TMEFF1: variants seen among roughly 807,000 people sequenced by gnomAD.
The protein encoded by TMEFF1 is tomoregulin-1.
In TMEFF1, 20 loss-of-function variants were observed where a neutral mutation model predicts 47.5. The ratio of observed to expected loss-of-function variants is 0.42; its 90% confidence interval spans 0.30 to 0.61. The LOEUF is 0.61. Ranked by LOEUF, TMEFF1 falls within the 20% of genes least tolerant of loss-of-function variation. The pLI, the probability that TMEFF1 is intolerant of heterozygous loss-of-function variation, is 0.19. For synonymous variants in TMEFF1, 162 were observed against 166.3 expected (o/e 0.97, Z 0.20); for missense variants, 411 against 471.1 (o/e 0.87, Z 1.18).
At chr9:100,485,819 A>G (rs966964973) in intron 1 of TMEFF1, among the ~76,000 whole-genome samples, 2 of 152,132 alleles carry the variant, frequency 1.3e-5, no homozygotes, top group East Asian at 1.9e-4. Flanking sequence ...TTCTCTCCGT[A>G]TATGCTTTTA....
chr9:100,487,564 T>A (rs1395067059), intron 1 of TMEFF1, among the ~76,000 whole-genome samples: 1 of 152,202 alleles, frequency 6.6e-6, no homozygotes, highest in Non-Finnish European at 1.5e-5. Flanking sequence ...ACATCCTAAT[T>A]CCCATTTATT....
At chr9:100,485,989 A>C (rs1837440190) in intron 1 of TMEFF1, among the ~76,000 whole-genome samples, 1 of 151,778 alleles carries the variant, frequency 6.6e-6, no homozygotes, top group African/African-American at 2.4e-5. Flanking sequence ...GTACCTTTAA[A>C]AACTTTGGCA....
intron 8 of TMEFF1, among the ~76,000 whole-genome samples, chr9:100,570,967 T>A (rs1451661777): frequency 3.9e-5 from 6 of 152,172 alleles, no homozygotes; most frequent in African/African-American, 2.4e-5. Flanking sequence ...CTGTTAAGTG[T>A]CTTAAATATT....
intron 3 of TMEFF1, among the ~76,000 whole-genome samples, chr9:100,510,814 T>C (rs1837950072): frequency 6.6e-6 from 1 of 152,054 alleles, no homozygotes; most frequent in Admixed American, 6.6e-5. Flanking sequence ...TAAGTATAAT[T>C]TGATGAGTTG....
intron 5 of TMEFF1, 146 bp from the exon 6 acceptor site, chr9:100,547,597 AC>A: frequency 1.0e-6 from 1 of 960,236 alleles, no homozygotes; most frequent in Non-Finnish European, 1.4e-6. Context: ...TTAGGTATTT[AC>A]TTTGCTTAAG....
At chr9:100,484,212 C>T (rs914517672) in intron 1 of TMEFF1, among the ~76,000 whole-genome samples, 24 of 152,280 alleles carry the variant, frequency 1.6e-4, no homozygotes, top group African/African-American at 4.8e-4. Flanking sequence ...TAATTGATAT[C>T]TGTGCTACCC....
chr9:100,530,751 T>C (rs986607393), intron 5 of TMEFF1, among the ~76,000 whole-genome samples: 1 of 152,098 alleles, frequency 6.6e-6, no homozygotes, highest in Non-Finnish European at 1.5e-5. Flanking sequence ...CCAGCATCAT[T>C]CTGATACCAA....
chr9:100,523,967 C>T (rs1284493711), intron 5 of TMEFF1, among the ~76,000 whole-genome samples: 1 of 152,052 alleles, frequency 6.6e-6, no homozygotes, highest in East Asian at 1.9e-4. Context: ...TTCATGCCTT[C>T]GAAATTTAGT....
At position 100,533,758 on chromosome 9, in the gene TMEFF1, C is replaced by T. The variant is rs58902812; in HGVS notation, c.561-13986C>T. Among the ~76,000 whole-genome samples the T allele has an allele frequency of 3.1e-3, 477 of 151,944 alleles. 2 individuals carry two copies. The highest frequency in any genetic ancestry group is 8.3e-3 in the African/African-American group (345 of 41,426). ...TTTTTGAGACAGAGTCTCGCTCAGT[C>T]GCCAGGCTGGAGTGCAATGGTGCGA... On this transcript the variant is annotated intron_variant, in intron 5 of 9. Coordinates refer to ENST00000374879, the MANE Select transcript of TMEFF1 (RefSeq NM_003692.5).
In TMEFF1 at chr9:100,492,044, C is replaced by T. The variant is rs568232829; in HGVS notation, c.197-6721C>T. On this transcript the variant is annotated intron_variant, in intron 1 of 9. Coordinates refer to ENST00000374879, the MANE Select transcript of TMEFF1 (RefSeq NM_003692.5). Reference sequence around the variant, plus strand: ...GGGATTACAGGCTCGTGCCACCACGCCCAGCTAATTTTTGTATTTTTAGTA... The same window carrying T: ...GGGATTACAGGCTCGTGCCACCACGTCCAGCTAATTTTTGTATTTTTAGTA... Among the ~76,000 whole-genome samples the T allele has an allele frequency of 1.1e-3, 165 of 152,236 alleles. 8 individuals carry two copies. The South Asian group carries it at 0.032, about 30-fold the overall frequency.
Position 100,537,267 on chromosome 9 carries a change from C to A in TMEFF1, c.561-10477C>A, listed in dbSNP as rs1448018983. On this transcript the variant is annotated intron_variant, in intron 5 of 9. Coordinates refer to ENST00000374879, the MANE Select transcript of TMEFF1 (RefSeq NM_003692.5). ...GGTAATAGCTTCTCTGTACTGTAGT[C>A]CTTGTTTTGTTCTTGGCCTCATATT... Among the ~76,000 whole-genome samples, 95 of 152,086 alleles carry A rather than the reference C, an allele frequency of 6.2e-4. 1 individual carries two copies. Among genetic ancestry groups the A allele is most frequent in the Admixed American group, 5.9e-3 (90 of 15,270 alleles).
chr9:100,549,944 A>T, intron 6 of TMEFF1, 151 bp from the exon 7 acceptor site: 1 of 933,234 alleles, frequency 1.1e-6, no homozygotes, highest in Non-Finnish European at 1.5e-6. Context: ...GACAGAAATG[A>T]CATAATTGAT....
At chr9:100,519,601 G>A (rs951615084) in intron 5 of TMEFF1, among the ~76,000 whole-genome samples, 1 of 147,880 alleles carries the variant, frequency 6.8e-6, no homozygotes, top group Non-Finnish European at 1.5e-5. Flanking sequence ...ATTCCCGGAA[G>A]GAATGTTATC....
intron 1 of TMEFF1, among the ~76,000 whole-genome samples, chr9:100,491,882 CTTT>C (rs145822143): frequency 5.8e-5 from 8 of 137,428 alleles, no homozygotes; most frequent in Non-Finnish European, 4.8e-5. Context: ...AGTTTCTTTC[CTTT>C]TTTTTTTTTT....
At chr9:100,572,984 T>A (rs1300223717) in intron 9 of TMEFF1, among the ~76,000 whole-genome samples, 6 of 144,260 alleles carry the variant, frequency 4.2e-5, no homozygotes, top group East Asian at 2.0e-4. Context: ...GTAGCAATCT[T>A]TTTTTTTTTT....
chr9:100,552,266 A>G (rs1029739761), intron 7 of TMEFF1, among the ~76,000 whole-genome samples: 12 of 152,194 alleles, frequency 7.9e-5, no homozygotes, highest in Non-Finnish European at 1.8e-4. Context: ...CCTGGCAGGA[A>G]TATTGTGCAT....
At chr9:100,493,964 C>T (rs1837605335) in intron 1 of TMEFF1, among the ~76,000 whole-genome samples, 7 of 152,100 alleles carry the variant, frequency 4.6e-5, no homozygotes, top group Admixed American at 4.6e-4. Flanking sequence ...GGGCAGATGG[C>T]TTGAGCCCAA....
At chr9:100,508,176 TTGTA>T (rs1837895276) in intron 2 of TMEFF1, among the ~76,000 whole-genome samples, 1 of 152,226 alleles carries the variant, frequency 6.6e-6, no homozygotes, top group Non-Finnish European at 1.5e-5. Flanking sequence ...TTTTATTAAT[TTGTA>T]TGATCTATTT....
At chr9:100,540,251 A>C (rs1367133060) in intron 5 of TMEFF1, among the ~76,000 whole-genome samples, 1 of 147,928 alleles carries the variant, frequency 6.8e-6, no homozygotes, top group Non-Finnish European at 1.5e-5. Context: ...GACACAGAGC[A>C]CTGATTGGTG....
Sources: gnomAD v4.1 joint callset for allele counts (sites outside exome capture counted in the v4.1 genomes callset) on GRCh38, gnomAD v4.1.1 for gene constraint, MANE v1.5 for transcripts, NCBI Gene and HGNC (gene_info 2026-07-23, HGNC 2026-07-21) for gene names.